Variants in MYO5C observed in about 807,000 individuals in gnomAD.
MYO5C encodes the protein myosin VC.
In MYO5C, 194 loss-of-function variants were observed where a neutral mutation model predicts 235.7. The observed-to-expected ratio is 0.82, with a 90% CI of 0.73 to 0.93. The LOEUF is 0.93. Ranked by LOEUF, MYO5C falls within the 40% of genes least tolerant of loss-of-function variation. MYO5C has a pLI of 0.00. For synonymous variants in MYO5C, 707 were observed against 754.8 expected, an observed-to-expected ratio of 0.94 and a Z score of 1.04; for missense variants, 2,038 against 2,127.2, an observed-to-expected ratio of 0.96 and a Z score of 0.82.
In MYO5C at chr15:52,204,878, C is replaced by A. The variant is rs745848996; in HGVS notation, c.4807G>T (p.Gly1603Trp). 5.0e-5 allele frequency: 81 copies of A among 1,613,958 alleles called. No individual in the cohort carries two copies. Among genetic ancestry groups the A allele is most frequent in the Middle Eastern group, 1.6e-4 (1 of 6,084 alleles). ...TCTGGGTTTTACCTGATCTGCATCCCTTTTCTGCAGGAGCACATGTCCTTG... is the reference window on the plus strand; with the variant it reads ...TCTGGGTTTTACCTGATCTGCATCCATTTTCTGCAGGAGCACATGTCCTTG... Reference protein sequence around the residue: ...LRKDMCSCRKGMQIRCNISYL... With the variant: ...LRKDMCSCRKWMQIRCNISYL... The change falls in exon 38 of 41, where the codon GGG becomes TGG. Residue 1603 changes from glycine to tryptophan, a missense_variant. Coordinates refer to ENST00000261839, the MANE Select transcript of MYO5C (RefSeq NM_018728.4).
At chr15:52,259,217 G>A (rs896563915) in intron 10 of MYO5C, among the ~76,000 whole-genome samples, 4 of 152,052 alleles carry the variant, frequency 2.6e-5, no homozygotes, top group Non-Finnish European at 5.9e-5. Flanking sequence ...TCAGGAGATC[G>A]AGACCATCCT....
chr15:52,199,534 C>G (rs901991753), intron 38 of MYO5C, among the ~76,000 whole-genome samples: 1 of 152,144 alleles, frequency 6.6e-6, no homozygotes, highest in African/African-American at 2.4e-5. Flanking sequence ...TTCCCCTCTG[C>G]TATTCACTGG....
Position 52,195,392 on chromosome 15 carries a change from A to G in MYO5C, c.5061T>C (p.Phe1687=), listed in dbSNP as rs758536364. 1.4e-5 allele frequency: 22 copies of G among 1,612,520 alleles called. No homozygotes were observed. The highest frequency in any genetic ancestry group is 3.3e-5 in the Admixed American group (2 of 59,810). Residue 1687 remains phenylalanine, a synonymous_variant, in exon 40 of 41, where the codon TTT becomes TTC. Transcript: ENST00000261839. ...AGAATCTCACCTGTACTTTGCGAAC[A>G]AAGGATGGAGTCACTCTCTTCTCAA... ...DDFEKRVTPS[F]VRKVQALLNS... is the part of the protein sequence containing the mutation.
At position 52,249,466 on chromosome 15, in the gene MYO5C, G is replaced by A. The variant is rs186066504; in HGVS notation, c.1663-683C>T. On this transcript the variant is annotated intron_variant, in intron 13 of 40. Coordinates refer to ENST00000261839, the MANE Select transcript of MYO5C (RefSeq NM_018728.4). The stretch of plus-strand genomic sequence containing the variant: ...AATTTATTTTTCATAAATTAAAAAC[G>A]TATATTAAAATTAATTTTAAAAATT... Among the ~76,000 whole-genome samples the A allele has an allele frequency of 2.4e-4, 37 of 152,156 alleles. 1 individual carries two copies. In the East Asian group the frequency reaches 5.2e-3, roughly 21 times the overall value.
At position 52,245,969 on chromosome 15, in the gene MYO5C, T is replaced by G; in HGVS notation, c.2053A>C (p.Ser685Arg). Reference sequence around the variant, plus strand: ...CGGACAACATACCTGGAAGGGTAGCTCTGTGCACTAATGCGAATCGTTTCT... The same window carrying G: ...CGGACAACATACCTGGAAGGGTAGCGCTGTGCACTAATGCGAATCGTTTCT... ...VLETIRISAQ[S>R]YPSRWTYIEF... Residue 685 changes from serine (S) to arginine (R), a missense_variant, in exon 17 of 41, where the codon AGC (serine) becomes CGC (arginine). Ser to Arg is a moderately radical substitution (Grantham distance 110). Transcript: ENST00000261839. The G allele has an allele frequency of 6.2e-7, 1 of 1,614,186 alleles. No homozygotes were observed. The highest frequency in any genetic ancestry group is 8.5e-7 in the Non-Finnish European group (1 of 1,179,996).
rs73404874 is a variant in MYO5C, at chr15:52,218,687, C to A, written c.3786G>T (p.Lys1262Asn). 6.2e-7 allele frequency: 1 copy of A among 1,613,808 alleles called. No homozygotes were observed. Among genetic ancestry groups the A allele is most frequent in the African/African-American group, 1.3e-5 (1 of 74,858 alleles). ...RSQEEEGTQR[K>N]ALEAQNEIHT... ...GTATTTCATTTTGGGCTTCCAAGGC[C>A]CTGAGAAAGGGAGGGAGGAATGGCT... The change falls in exon 32 of 41, where the codon AAG becomes AAT. Residue 1262 changes from lysine (K) to asparagine (N), a missense_variant and splice_region_variant. Transcript: ENST00000261839.
intron 9 of MYO5C, among the ~76,000 whole-genome samples, chr15:52,263,541 T>C (rs1044549283): frequency 6.6e-5 from 10 of 152,138 alleles, no homozygotes; most frequent in African/African-American, 2.2e-4. Flanking sequence ...GCAATCCCCC[T>C]CCCCTCTCTG....
chr15:52,264,443 GCACTGT>G, intron 8 of MYO5C, 147 bp from the exon 9 acceptor site: 1 of 644,820 alleles, frequency 1.6e-6, no homozygotes, highest in Non-Finnish European at 2.7e-6. Context: ...GGCATCTGGG[GCACTGT>G]TCCTTCTAGT....
In MYO5C at chr15:52,261,045, T is replaced by C. The variant is rs2036684509; in HGVS notation, c.1130A>G (p.Lys377Arg). The change falls in exon 10 of 41, where the codon AAA becomes AGA. Residue 377 changes from lysine (K) to arginine (R), a missense_variant. Physicochemically the swap from Lys to Arg is conservative, Grantham distance 26. Coordinates refer to ENST00000261839, the MANE Select transcript of MYO5C (RefSeq NM_018728.4). Reference protein sequence around the residue: ...GRVAQWLCNRKIVTSSETVVK... With the variant: ...GRVAQWLCNRRIVTSSETVVK... Reference sequence around the variant, plus strand: ...CACCGTCTCAGAGCTTGTGACGATTTTGCGATTGCACAGCCACTGAGCAAC... The same window carrying C: ...CACCGTCTCAGAGCTTGTGACGATTCTGCGATTGCACAGCCACTGAGCAAC... The C allele has an allele frequency of 1.2e-6, 2 of 1,614,222 alleles. No individual in the cohort carries two copies. The highest frequency in any genetic ancestry group is 2.2e-5 in the East Asian group (1 of 44,884).
intron 5 of MYO5C, among the ~76,000 whole-genome samples, chr15:52,273,111 G>A (rs12443500): frequency 0.059 from 8,930 of 152,232 alleles, 923 homozygotes; most frequent in East Asian, 0.5. Flanking sequence ...TTGAGGCCAG[G>A]AGTTTGAGAC....
At chr15:52,209,634 G>A (rs11070884) in intron 35 of MYO5C, among the ~76,000 whole-genome samples, 72,893 of 152,042 alleles carry the variant, frequency 0.48, 20,683 homozygotes, top group Non-Finnish European at 0.65. Flanking sequence ...AATATTTGGC[G>A]AAACATTCCA....
chr15:52,223,772 T>C (rs1437814809), intron 28 of MYO5C, 48 bp from the exon 29 acceptor site: 1 of 1,549,504 alleles, frequency 6.5e-7, no homozygotes, highest in East Asian at 2.3e-5. Context: ...TTTGTTCTGT[T>C]TTATGGACTG....
chr15:52,268,051 G>A (rs1157510732), intron 8 of MYO5C, among the ~76,000 whole-genome samples: 2 of 152,180 alleles, frequency 1.3e-5, no homozygotes, highest in Non-Finnish European at 2.9e-5. Flanking sequence ...CTTTCTCCTC[G>A]AAGCAGGTTT....
At chr15:52,231,961 A>G (rs1209356290) in intron 24 of MYO5C, among the ~76,000 whole-genome samples, 2 of 152,206 alleles carry the variant, frequency 1.3e-5, no homozygotes, top group African/African-American at 4.8e-5. Context: ...TTGGGATAAA[A>G]GACAAACTAA....
At chr15:52,228,730 G>A (rs1032936600) in intron 25 of MYO5C, among the ~76,000 whole-genome samples, 1 of 152,106 alleles carries the variant, frequency 6.6e-6, no homozygotes, top group African/African-American at 2.4e-5. Context: ...TTGGATAATT[G>A]TTTTAGTAAA....
At chr15:52,260,821 A>G (rs751376606) in intron 10 of MYO5C, 41 bp downstream of exon 10, 1 of 1,603,842 alleles carries the variant, frequency 6.2e-7, no homozygotes, top group East Asian at 2.2e-5. Flanking sequence ...GGCTCTCAAC[A>G]TTTAAAGGAG....
Position 52,193,851 on chromosome 15 carries a change from T to C in MYO5C, c.*51A>G, listed in dbSNP as rs370994921. ...CAATTAATAAAACACATCCCTCATA[T>C]TGAACCTTCACTTAGCTTTTGAAGA... On this transcript the variant is annotated 3_prime_UTR_variant, in exon 41 of 41. Transcript: ENST00000261839. 142 of 1,572,494 alleles carry C rather than the reference T, an allele frequency of 9.0e-5. No individual in the cohort carries two copies. The Middle Eastern group carries it at 1.0e-3, about 11-fold the overall frequency.
In MYO5C at chr15:52,256,910, C is replaced by A. The variant is rs1349888802; in HGVS notation, c.1314-190G>T. ...TATAAATAACCCTTTTCCTGGTTGT[C>A]CCCCGGAAGAAATCTGGTAGGTATA... On this transcript the variant is annotated intron_variant, in intron 10 of 40. Coordinates refer to ENST00000261839, the MANE Select transcript of MYO5C (RefSeq NM_018728.4). The A allele has an allele frequency of 7.5e-6, 4 of 533,950 alleles. No individual in the cohort carries two copies. The African/African-American group carries it at 7.6e-5, about 10-fold the overall frequency. 33.1% of individuals were successfully genotyped at this position (533,950 alleles called of 1,614,324 possible).
intron 8 of MYO5C, among the ~76,000 whole-genome samples, chr15:52,267,440 C>T (rs1051741752): frequency 1.2e-4 from 18 of 152,156 alleles, no homozygotes; most frequent in African/African-American, 4.3e-4. Flanking sequence ...AATCCCAGCA[C>T]TTTGGGAGAC....
Sources: gnomAD v4.1 joint callset for allele counts (sites outside exome capture counted in the v4.1 genomes callset) on GRCh38, gnomAD v4.1.1 for gene constraint, MANE v1.5 for transcripts, NCBI Gene and HGNC (gene_info 2026-07-23, HGNC 2026-07-21) for gene names.